Variants in GOLM1 observed in about 807,000 individuals in gnomAD.
GOLM1 encodes the protein golgi membrane protein 1.
In GOLM1, 31 loss-of-function variants were observed where a neutral mutation model predicts 50.5. The observed-to-expected ratio is 0.61, with a 90% CI of 0.46 to 0.83. The LOEUF (loss-of-function observed/expected upper bound fraction) is 0.83, where lower values mean the gene tolerates loss of function less well. GOLM1 is among the 40% of genes least tolerant of loss of function. The pLI is 0.00. For missense variants in GOLM1, 491 were observed against 501.3 expected (o/e 0.98, Z 0.20); for synonymous variants, 178 against 192.8 (o/e 0.92, Z 0.64).
chr9:86,050,548 T>G (rs1366897841), intron 4 of GOLM1, among the ~76,000 whole-genome samples: 3 of 152,208 alleles, frequency 2.0e-5, no homozygotes, highest in Non-Finnish European at 2.9e-5. Context: ...GAGCCTGTTA[T>G]TGGTCTATTC....
chr9:86,080,162 C>CAA (rs1304557384), intron 1 of GOLM1: 2 of 152,230 alleles, frequency 1.3e-5, no homozygotes, highest in Non-Finnish European at 2.9e-5. Flanking sequence ...GGGACCGTAT[C>CAA]TGTGCAACTG....
intron 3 of GOLM1, among the ~76,000 whole-genome samples, chr9:86,058,446 T>C (rs10120016): frequency 0.38 from 57,342 of 151,910 alleles, 14,382 homozygotes; most frequent in African/African-American, 0.7. Flanking sequence ...CGGTGGCTCA[T>C]GCCTGTAATC....
intron 9 of GOLM1, among the ~76,000 whole-genome samples, chr9:86,032,524 A>G (rs1833017452): frequency 6.6e-6 from 1 of 152,090 alleles, no homozygotes; most frequent in South Asian, 2.1e-4. Context: ...CAAAACAAAC[A>G]AGTGTGTTGG....
At chr9:86,053,731 ACTC>A in intron 3 of GOLM1, among the ~76,000 whole-genome samples, 1 of 1,196 alleles carries the variant, frequency 8.4e-4, no homozygotes, top group Non-Finnish European at 2.3e-3. Flanking sequence ...AGACTGCTCC[ACTC>A]CACACACACC....
intron 7 of GOLM1, 116 bp downstream of exon 7, chr9:86,036,232 T>A: frequency 9.8e-7 from 1 of 1,024,786 alleles, no homozygotes; most frequent in Admixed American, 1.8e-5. Flanking sequence ...GACACGTCCC[T>A]GCTCCTGGCT....
upstream of GOLM1, among the ~76,000 whole-genome samples, chr9:86,099,788 G>A (rs1835480519): frequency 6.6e-6 from 1 of 152,016 alleles, no homozygotes; most frequent in Admixed American, 6.5e-5. Context: ...CCACCCCATC[G>A]CCCCTTCCGA....
chr9:86,026,873 C>G lies in GOLM1; in HGVS notation c.*944G>C. 1 of 983,662 alleles carries G rather than the reference C, an allele frequency of 1.0e-6. No homozygotes were observed. Among genetic ancestry groups the G allele is most frequent in the South Asian group, 4.7e-5 (1 of 21,238 alleles). The allele number at this position is 983,662 out of a possible 1,614,324, so 60.9% of individuals were successfully genotyped here. A position where few individuals can be genotyped will look rare whatever the true frequency, so the allele number is the denominator to read the frequency against. On this transcript the variant is annotated 3_prime_UTR_variant, in exon 10 of 10. Coordinates refer to ENST00000388712, the MANE Select transcript of GOLM1 (RefSeq NM_016548.4). ...TTGTATTCCTGTTTTTCTAAACAGT[C>G]CTAATTTCTAACACTGTATATATCC...
chr9:86,059,801 G>A (rs1043023483), intron 3 of GOLM1, among the ~76,000 whole-genome samples: 1 of 151,242 alleles, frequency 6.6e-6, no homozygotes, highest in African/African-American at 2.4e-5. Context: ...TCGGGAGGCT[G>A]AGGCAGGAGA....
At chr9:86,086,909 T>G (rs1348401781) in intron 1 of GOLM1, among the ~76,000 whole-genome samples, 1 of 152,202 alleles carries the variant, frequency 6.6e-6, no homozygotes, top group East Asian at 1.9e-4. Context: ...TTTGTCTTTT[T>G]GCTTAGGATT....
chr9:86,071,078 T>TACAC (rs58612344), intron 3 of GOLM1, among the ~76,000 whole-genome samples: 1,665 of 148,318 alleles, frequency 0.011, 25 homozygotes, highest in African/African-American at 0.026. Context: ...TATATACATG[T>TACAC]ACACACACAC....
At chr9:86,059,707 C>T (rs1319911389) in intron 3 of GOLM1, among the ~76,000 whole-genome samples, 2 of 151,470 alleles carry the variant, frequency 1.3e-5, no homozygotes, top group African/African-American at 2.4e-5. Flanking sequence ...CCAGCCTAGC[C>T]AACATACTGA....
At chr9:86,065,975 G>A (rs1834296408) in intron 3 of GOLM1, among the ~76,000 whole-genome samples, 1 of 152,154 alleles carries the variant, frequency 6.6e-6, no homozygotes, top group Non-Finnish European at 1.5e-5. Flanking sequence ...GGGAGGCGGA[G>A]GTTGCAGTGA....
intron 3 of GOLM1, among the ~76,000 whole-genome samples, chr9:86,054,027 C>T (rs746629178): frequency 7.2e-5 from 11 of 152,172 alleles, no homozygotes; most frequent in Non-Finnish European, 1.3e-4. Flanking sequence ...TTCTGGCCTC[C>T]TTCTCCTGTC....
At chr9:86,080,932 G>T (rs1834762409) in intron 1 of GOLM1, among the ~76,000 whole-genome samples, 1 of 152,096 alleles carries the variant, frequency 6.6e-6, no homozygotes. Flanking sequence ...GTCGCCCAGG[G>T]TGGAGTCAGT....
intron 1 of GOLM1, among the ~76,000 whole-genome samples, chr9:86,086,156 T>A (rs1431419901): frequency 6.6e-6 from 1 of 152,242 alleles, no homozygotes; most frequent in Non-Finnish European, 1.5e-5. Flanking sequence ...TTTTTAATGA[T>A]CACCATTCTA....
chr9:86,089,870 G>C (rs906576312), intron 1 of GOLM1, among the ~76,000 whole-genome samples: 6 of 152,136 alleles, frequency 3.9e-5, no homozygotes, highest in African/African-American at 1.2e-4. Flanking sequence ...TTTTTGTGCA[G>C]GTTTTTCCTC....
chr9:86,052,768 C>T (rs1046917077), intron 3 of GOLM1, among the ~76,000 whole-genome samples, 177 bp from the exon 4 acceptor site: 2 of 152,096 alleles, frequency 1.3e-5, no homozygotes, highest in Admixed American at 1.3e-4. Context: ...AGGAACAGGC[C>T]GACCTAGAGA....
chr9:86,047,986 G>A (rs1463859891), intron 4 of GOLM1, among the ~76,000 whole-genome samples: 5 of 151,938 alleles, frequency 3.3e-5, no homozygotes, highest in East Asian at 3.9e-4. Context: ...CCATTAACTC[G>A]TCATTTACAA....
intron 3 of GOLM1, among the ~76,000 whole-genome samples, chr9:86,074,860 TC>T (rs1274249048): frequency 6.6e-6 from 1 of 152,060 alleles, no homozygotes; most frequent in Non-Finnish European, 1.5e-5. Flanking sequence ...CTCAGTGTCT[TC>T]CTAACTCTTT....
Sources: gnomAD v4.1 joint callset for allele counts (sites outside exome capture counted in the v4.1 genomes callset) on GRCh38, gnomAD v4.1.1 for gene constraint, MANE v1.5 for transcripts, NCBI Gene and HGNC (gene_info 2026-07-23, HGNC 2026-07-21) for gene names.